The following CLEC16A variants were observed in gnomAD, a reference collection of about 807,000 sequenced individuals.
CLEC16A encodes C-type lectin domain containing 16A, also known as protein CLEC16A.
In CLEC16A, 51 loss-of-function variants were observed where a neutral mutation model predicts 109.5. That is an observed-to-expected ratio of 0.47 (90% CI 0.37 to 0.59). CLEC16A has a LOEUF of 0.59. Ranked by LOEUF, CLEC16A falls within the 20% of genes least tolerant of loss-of-function variation. The pLI, the probability that CLEC16A is intolerant of heterozygous loss-of-function variation, is 0.00. For synonymous variants in CLEC16A, 673 were observed against 564.2 expected, an observed-to-expected ratio of 1.19 and a Z score of -2.73; for missense variants, 1,339 against 1,394.0, an observed-to-expected ratio of 0.96 and a Z score of 0.63.
chr16:10,979,371 C>A lies in CLEC16A; in HGVS notation c.946C>A (p.Leu316Ile). The A allele has an allele frequency of 6.2e-7, 1 of 1,613,092 alleles. No individual in the cohort carries two copies. Among genetic ancestry groups the A allele is most frequent in the Non-Finnish European group, 8.5e-7 (1 of 1,179,606 alleles). Reference protein sequence around the residue: ...PKISLPVSLYLLSQVFLIIHH... With the variant: ...PKISLPVSLYILSQVFLIIHH... Reference sequence around the variant, plus strand: ...AATTAGCCTGCCGGTGTCTCTTTATCTTCTGTCACAGGTATGCTTGATCAT... The same window carrying A: ...AATTAGCCTGCCGGTGTCTCTTTATATTCTGTCACAGGTATGCTTGATCAT... Residue 316 changes from leucine to isoleucine, a missense_variant, in exon 9 of 24, where the codon CTT becomes ATT. Transcript: ENST00000409790.
intron 19 of CLEC16A, among the ~76,000 whole-genome samples, chr16:11,087,479 T>A (rs2050074310): frequency 6.6e-6 from 1 of 152,254 alleles, no homozygotes; most frequent in Non-Finnish European, 1.5e-5. Context: ...AACTACTACT[T>A]GTTTTTTTAT....
intron 8 of CLEC16A, among the ~76,000 whole-genome samples, chr16:10,978,960 C>A (rs1452719042): frequency 6.6e-6 from 1 of 152,164 alleles, no homozygotes; most frequent in Non-Finnish European, 1.5e-5. Context: ...CTCCCCCATG[C>A]TTTGAAAATA....
At chr16:11,140,530 C>T (rs985808397) in intron 22 of CLEC16A, among the ~76,000 whole-genome samples, 1 of 152,186 alleles carries the variant, frequency 6.6e-6, no homozygotes, top group African/African-American at 2.4e-5. Flanking sequence ...CTGGTGGAGG[C>T]CATGGCTTTC....
At chr16:11,116,391 TAAAAGAAAAAG>T (rs2051994778) in intron 19 of CLEC16A, among the ~76,000 whole-genome samples, 2 of 142,214 alleles carry the variant, frequency 1.4e-5, no homozygotes, top group South Asian at 2.3e-4. Context: ...CAAGACTGTC[TAAAAGAAAAAG>T]AAAAGAAAAA....
chr16:11,055,580 T>TTTTTTTTTTTTTTTTG (rs2048172288), intron 18 of CLEC16A, among the ~76,000 whole-genome samples: 1 of 97,208 alleles, frequency 1.0e-5, no homozygotes, highest in Admixed American at 9.3e-5. Flanking sequence ...TCTTGCTTTT[T>TTTTTTTTTTTTTTTTG]TTTTTTTTTT....
chr16:11,144,935 G>A (rs2053989585), intron 22 of CLEC16A, among the ~76,000 whole-genome samples: 1 of 152,160 alleles, frequency 6.6e-6, no homozygotes, highest in East Asian at 1.9e-4. Flanking sequence ...AGTTCATGGT[G>A]TCCTGGGGCT....
At chr16:10,982,061 G>C (rs537212803) in intron 9 of CLEC16A, among the ~76,000 whole-genome samples, 1 of 152,342 alleles carries the variant, frequency 6.6e-6, no homozygotes, top group East Asian at 1.9e-4. Context: ...ATACAAACAT[G>C]CACACGCTTT....
intron 21 of CLEC16A, among the ~76,000 whole-genome samples, chr16:11,124,517 G>A (rs537738268): frequency 6.6e-6 from 1 of 152,324 alleles, no homozygotes; most frequent in East Asian, 1.9e-4. Flanking sequence ...GGATTGCGGT[G>A]AATTTCTGAG....
intron 22 of CLEC16A, among the ~76,000 whole-genome samples, chr16:11,138,181 C>G (rs1027874289): frequency 1.3e-5 from 2 of 152,232 alleles, no homozygotes; most frequent in Non-Finnish European, 2.9e-5. Flanking sequence ...CAAGCGTTTA[C>G]TAAGGCCCTT....
In CLEC16A at chr16:11,166,490, G is replaced by A; in HGVS notation, c.2744G>A (p.Ser915Asn). 6.2e-7 allele frequency: 1 copy of A among 1,609,592 alleles called. No individual in the cohort carries two copies. Residue 915 changes from serine to asparagine, a missense_variant, in exon 23 of 24, where the codon AGC becomes AAC. Coordinates refer to ENST00000409790, the MANE Select transcript of CLEC16A (RefSeq NM_015226.3). ...AGCCCCAGCGGCAGCGGGAGCACCA[G>A]CCACTGCGACTCTGGAGGCACCAGC... is the stretch of plus-strand genomic sequence containing the variant. ...SGSPSGSGST[S>N]HCDSGGTSSS...
chr16:10,985,758 C>G lies in CLEC16A; in HGVS notation c.1071+2767C>G, dbSNP rs543487269. On this transcript the variant is annotated intron_variant, in intron 10 of 23. Transcript: ENST00000409790. Reference sequence around the variant, plus strand: ...TTATTTTGAGATGGAGTCTCTGTCGCCCAGGCTGGAGTGCAGTGGCGTGAT... The same window carrying G: ...TTATTTTGAGATGGAGTCTCTGTCGGCCAGGCTGGAGTGCAGTGGCGTGAT... Among the ~76,000 whole-genome samples, 275 of 152,178 alleles carry G rather than the reference C, an allele frequency of 1.8e-3. 1 individual carries two copies. The highest frequency in any genetic ancestry group is 6.3e-3 in the African/African-American group (262 of 41,518).
intron 22 of CLEC16A, among the ~76,000 whole-genome samples, chr16:11,155,364 G>C (rs542879074): frequency 6.6e-6 from 1 of 152,194 alleles, no homozygotes; most frequent in African/African-American, 2.4e-5. Flanking sequence ...CATGCCCAGA[G>C]CCACGGCACT....
intron 19 of CLEC16A, among the ~76,000 whole-genome samples, chr16:11,100,300 T>C (rs2050843662): frequency 6.6e-6 from 1 of 152,194 alleles, no homozygotes; most frequent in African/African-American, 2.4e-5. Flanking sequence ...CTGTCTCTCT[T>C]TCACCTTTCC....
At chr16:11,095,687 C>T (rs2050564352) in intron 19 of CLEC16A, among the ~76,000 whole-genome samples, 1 of 152,070 alleles carries the variant, frequency 6.6e-6, no homozygotes, top group Non-Finnish European at 1.5e-5. Context: ...TGGCAGGCTC[C>T]TGTAATCCCA....
chr16:11,013,168 T>A (rs559885423), intron 11 of CLEC16A, among the ~76,000 whole-genome samples: 11 of 152,342 alleles, frequency 7.2e-5, no homozygotes, highest in Non-Finnish European at 1.5e-4. Context: ...TGGCCGGGAC[T>A]GGGAATCAGT....
chr16:11,125,943 A>G (rs201137516), intron 21 of CLEC16A, 36 bp from the exon 22 acceptor site: 22 of 1,017,250 alleles, frequency 2.2e-5, no homozygotes, highest in Non-Finnish European at 2.7e-5. Context: ...TCTATCCCAC[A>G]TGCTCAGAGT....
At chr16:10,971,098 T>C (rs1375908367) in intron 4 of CLEC16A, 27 bp from the exon 5 acceptor site, 2 of 1,522,784 alleles carry the variant, frequency 1.3e-6, no homozygotes, top group Non-Finnish European at 9.1e-7. Context: ...GGCTTATAAT[T>C]TGTTTTCGTT....
At chr16:11,020,049 C>T (rs962021470) in intron 11 of CLEC16A, 144 bp from the exon 12 acceptor site, 23 of 851,070 alleles carry the variant, frequency 2.7e-5, no homozygotes, top group Non-Finnish European at 3.7e-5. Context: ...CAGTGTGTCT[C>T]TGGTGTTCAG....
chr16:11,055,932 A>C (rs745467455), intron 18 of CLEC16A, among the ~76,000 whole-genome samples: 1 of 151,986 alleles, frequency 6.6e-6, no homozygotes, highest in Non-Finnish European at 1.5e-5. Flanking sequence ...CTTTCTTTCA[A>C]CATAGTTGTT....
Sources: gnomAD v4.1 joint callset for allele counts (sites outside exome capture counted in the v4.1 genomes callset) on GRCh38, gnomAD v4.1.1 for gene constraint, MANE v1.5 for transcripts, NCBI Gene and HGNC (gene_info 2026-07-23, HGNC 2026-07-21) for gene names.